Variants in POU6F2 observed in about 807,000 individuals in gnomAD.
POU6F2 encodes the protein POU class 6 homeobox 2.
A neutral mutation model predicts 71.3 loss-of-function variants in POU6F2; 31 were observed. That is an observed-to-expected ratio of 0.43 (90% confidence interval 0.33 to 0.59). The LOEUF (loss-of-function observed/expected upper bound fraction) is 0.59. Among genes scored for constraint, POU6F2 ranks in the 20% least tolerant of loss-of-function variants. The probability of loss-of-function intolerance (pLI) is 0.04; values close to 1 mark genes in which losing one functional copy is unlikely to be tolerated. For synonymous variants in POU6F2, 347 were observed against 355.7 expected, an observed-to-expected ratio of 0.98 and a Z score of 0.27; for missense variants, 783 against 856.8, an observed-to-expected ratio of 0.91 and a Z score of 1.07.
At chr7:39,325,439 A>C (rs1223420709) in intron 4 of POU6F2, among the ~76,000 whole-genome samples, 1 of 152,224 alleles carries the variant, frequency 6.6e-6, no homozygotes, top group African/African-American at 2.4e-5. Flanking sequence ...CTGTTTAGGA[A>C]GTTTAAAGTT....
intron 4 of POU6F2, among the ~76,000 whole-genome samples, chr7:39,221,074 G>A (rs567687168): frequency 2.0e-5 from 3 of 152,038 alleles, no homozygotes; most frequent in Admixed American, 1.3e-4. Context: ...TTAAAATATG[G>A]ACACCAGAAA....
intron 2 of POU6F2, among the ~76,000 whole-genome samples, chr7:39,093,246 A>G (rs1312889258): frequency 2.0e-5 from 3 of 152,078 alleles, no homozygotes; most frequent in Non-Finnish European, 4.4e-5. Context: ...ATATAAGGGG[A>G]AAATGATCAG....
intron 5 of POU6F2, among the ~76,000 whole-genome samples, chr7:39,397,288 G>A (rs1170553484): frequency 6.6e-6 from 1 of 150,634 alleles, no homozygotes; most frequent in Non-Finnish European, 1.5e-5. Context: ...TGGCCAGTTG[G>A]TCCAATGTGG....
At chr7:39,278,767 A>T (rs1456779095) in intron 4 of POU6F2, among the ~76,000 whole-genome samples, 1 of 152,160 alleles carries the variant, frequency 6.6e-6, no homozygotes, top group Non-Finnish European at 1.5e-5. Context: ...GAACAGTGGG[A>T]TGTGTGCCTG....
chr7:39,070,292 C>A (rs892691456), intron 1 of POU6F2, among the ~76,000 whole-genome samples: 1 of 152,028 alleles, frequency 6.6e-6, no homozygotes, highest in African/African-American at 2.4e-5. Context: ...AGAATAACAG[C>A]TTTTTTATGG....
intron 1 of POU6F2, among the ~76,000 whole-genome samples, chr7:39,019,779 G>A (rs1427661970): frequency 6.6e-6 from 1 of 150,540 alleles, no homozygotes; most frequent in Non-Finnish European, 1.5e-5. Flanking sequence ...ACTGCAACCT[G>A]TTCTTGTTTT....
chr7:39,349,886 A>G (rs1021948751), intron 5 of POU6F2, among the ~76,000 whole-genome samples: 3 of 152,224 alleles, frequency 2.0e-5, no homozygotes, highest in African/African-American at 4.8e-5. Flanking sequence ...TGAGGCATGC[A>G]GGACAGGTTC....
At chr7:39,283,887 G>T (rs7790521) in intron 4 of POU6F2, among the ~76,000 whole-genome samples, 2 of 151,986 alleles carry the variant, frequency 1.3e-5, no homozygotes, top group Non-Finnish European at 2.9e-5. Flanking sequence ...AGTGTGACAC[G>T]TGCATTATTA....
chr7:39,002,990 G>C (rs1286273477), intron 1 of POU6F2, among the ~76,000 whole-genome samples: 1 of 152,216 alleles, frequency 6.6e-6, no homozygotes, highest in Non-Finnish European at 1.5e-5. Context: ...CTGTGGGACA[G>C]CACTTGTGGA....
At position 39,423,473 on chromosome 7, in the gene POU6F2, CTGAG is replaced by C. The variant is rs564651070; in HGVS notation, c.1114-9580_1114-9577del. ...ACAGGAGGCCCTCAGAAAGGATTTGCTGAGTGAGTGAGTGAGTGAGTGAGTGATG... is the reference window on the plus strand; with the variant it reads ...ACAGGAGGCCCTCAGAAAGGATTTGCTGAGTGAGTGAGTGAGTGAGTGATG... On this transcript the variant is annotated intron_variant, in intron 6 of 9. Transcript: ENST00000518318. Among the ~76,000 whole-genome samples, 926 of 137,444 alleles carry C rather than the reference CTGAG, an allele frequency of 6.7e-3. 3 individuals carry two copies. Among genetic ancestry groups the C allele is most frequent in the African/African-American group, 0.011 (414 of 36,146 alleles). 90.2% of individuals were successfully genotyped at this position (137,444 alleles called of 152,430 possible).
intron 1 of POU6F2, among the ~76,000 whole-genome samples, chr7:39,007,044 C>G (rs1285636233): frequency 2.0e-5 from 3 of 152,152 alleles, no homozygotes; most frequent in Non-Finnish European, 4.4e-5. Context: ...TTATTTTATG[C>G]CAGAATTATT....
intron 5 of POU6F2, among the ~76,000 whole-genome samples, chr7:39,372,764 C>T (rs1196930484): frequency 6.6e-6 from 1 of 152,140 alleles, no homozygotes; most frequent in East Asian, 1.9e-4. Flanking sequence ...AAACTTAGTG[C>T]TTCTCATTAT....
chr7:39,300,597 G>A (rs138427710), intron 4 of POU6F2, among the ~76,000 whole-genome samples: 20 of 151,922 alleles, frequency 1.3e-4, no homozygotes, highest in East Asian at 9.7e-4. Flanking sequence ...GTCTGCAATC[G>A]AGGTGTCAGC....
At chr7:39,027,605 G>T (rs748821482) in intron 1 of POU6F2, among the ~76,000 whole-genome samples, 6 of 152,126 alleles carry the variant, frequency 3.9e-5, no homozygotes, top group Admixed American at 6.5e-5. Context: ...AAGGAGTTCC[G>T]TGATTAAGAA....
intron 2 of POU6F2, among the ~76,000 whole-genome samples, chr7:39,123,180 A>G (rs914886681): frequency 1.3e-5 from 2 of 152,220 alleles, no homozygotes; most frequent in Non-Finnish European, 2.9e-5. Flanking sequence ...TCCTCAATCA[A>G]TGCTAAATTT....
intron 5 of POU6F2, among the ~76,000 whole-genome samples, chr7:39,388,794 TA>T (rs1401272053): frequency 1.3e-5 from 2 of 152,258 alleles, no homozygotes; most frequent in Non-Finnish European, 2.9e-5. Flanking sequence ...ACATAAACTC[TA>T]TTTCATATTT....
At chr7:39,068,357 C>T (rs1004773531) in intron 1 of POU6F2, among the ~76,000 whole-genome samples, 1 of 151,978 alleles carries the variant, frequency 6.6e-6, no homozygotes, top group Admixed American at 6.6e-5. Context: ...GTTGGAAGCA[C>T]ATATTAGGCC....
At chr7:39,079,261 T>C (rs1170205791) in intron 1 of POU6F2, among the ~76,000 whole-genome samples, 1 of 136,226 alleles carries the variant, frequency 7.3e-6, no homozygotes, top group Non-Finnish European at 1.5e-5. Flanking sequence ...CGATCTCAGC[T>C]CACTGCAACC....
chr7:39,036,986 CTA>C (rs1200821081), intron 1 of POU6F2, among the ~76,000 whole-genome samples: 1 of 151,778 alleles, frequency 6.6e-6, no homozygotes, highest in African/African-American at 2.4e-5. Context: ...TGTATACAGA[CTA>C]TTTCATCACC....
Sources: allele counts gnomAD v4.1 joint callset (sites outside exome capture counted in the v4.1 genomes callset), GRCh38; gene constraint gnomAD v4.1.1; transcripts MANE v1.5; gene names NCBI Gene and HGNC (gene_info 2026-07-23, HGNC 2026-07-21).